Variants in PIAS1 observed in about 807,000 individuals in gnomAD.
PIAS1 encodes the protein protein inhibitor of activated STAT 1.
A neutral mutation model predicts 71.3 loss-of-function variants in PIAS1; 6 were observed. The ratio of observed to expected loss-of-function variants is 0.08; its 90% CI spans 0.05 to 0.17. PIAS1 has a LOEUF of 0.17. PIAS1 is among the 10% of genes least tolerant of loss of function. The pLI, the probability that PIAS1 is intolerant of heterozygous loss-of-function variation, is 1.00. For synonymous variants in PIAS1, 303 were observed against 292.9 expected (o/e 1.03, Z -0.35); for missense variants, 555 against 793.6 (o/e 0.70, Z 3.61).
At chr15:68,118,157 C>A (rs2092581317) in intron 2 of PIAS1, among the ~76,000 whole-genome samples, 1 of 151,910 alleles carries the variant, frequency 6.6e-6, no homozygotes, top group Admixed American at 6.6e-5. Context: ...TGGTGAAATC[C>A]TGCCTCTACA....
chr15:68,185,183 T>C lies in PIAS1; in HGVS notation c.1662+1516T>C, dbSNP rs1301871207. ...AGGAGTTGTAGCAGTTTTTAAGGCC[T>C]ATTAAAAGATCCTAAGGAGGATCTT... is the stretch of plus-strand genomic sequence containing the variant. On this transcript the variant is annotated intron_variant, in intron 13 of 13. Transcript: ENST00000249636. This position sits in a 1 kb window ranked among gnomAD's most constrained non-coding sequence, Gnocchi z 4.4. Among the ~76,000 whole-genome samples the C allele has an allele frequency of 3.3e-5, 5 of 152,152 alleles. No individual in the cohort carries two copies. The highest frequency in any genetic ancestry group is 7.4e-5 in the Non-Finnish European group (5 of 68,010).
intron 2 of PIAS1, among the ~76,000 whole-genome samples, chr15:68,089,424 G>A (rs894880052): frequency 5.9e-5 from 9 of 151,980 alleles, no homozygotes; most frequent in African/African-American, 2.2e-4. Flanking sequence ...GTTTCTATGA[G>A]GCTTATTTCA....
intron 2 of PIAS1, among the ~76,000 whole-genome samples, chr15:68,095,900 G>T (rs1309726441): frequency 6.6e-6 from 1 of 152,116 alleles, no homozygotes; most frequent in Non-Finnish European, 1.5e-5. Flanking sequence ...ATTAGTTATT[G>T]TAATTCTTTG....
In PIAS1 at chr15:68,162,233, T is replaced by C. The variant is rs141390495; in HGVS notation, c.935-2498T>C. On this transcript the variant is annotated intron_variant, in intron 7 of 13. Transcript: ENST00000249636. Reference sequence around the variant, plus strand: ...CCACTACTTTATGTTGCCTCTCTTATTTCAATTTATTTTCTAAGCACTAAA... The same window carrying C: ...CCACTACTTTATGTTGCCTCTCTTACTTCAATTTATTTTCTAAGCACTAAA... Among the ~76,000 whole-genome samples, 465 of 152,232 alleles carry C rather than the reference T, an allele frequency of 3.1e-3. 15 individuals are homozygous for C. Among genetic ancestry groups the C allele is most frequent in the Admixed American group, 9.1e-4 (14 of 15,302 alleles).
chr15:68,059,065 C>T (rs1480842098), intron 1 of PIAS1, among the ~76,000 whole-genome samples: 2 of 140,764 alleles, frequency 1.4e-5, no homozygotes, highest in African/African-American at 2.7e-5. Context: ...AGTGCAGTGG[C>T]GCGATCTCGG....
intron 2 of PIAS1, among the ~76,000 whole-genome samples, chr15:68,100,015 C>CTTTGCATAT (rs757875267): frequency 1.0e-4 from 15 of 150,036 alleles, no homozygotes; most frequent in Middle Eastern, 6.9e-3. Context: ...TTGAGAGTTC[C>CTTTGCATAT]TTTGCATATT....
chr15:68,076,479 G>A (rs72759519), intron 1 of PIAS1, among the ~76,000 whole-genome samples: 72,484 of 151,924 alleles, frequency 0.48, 18,130 homozygotes, highest in Middle Eastern at 0.56. Context: ...CAGCCTGGGC[G>A]ACAGAGTGAG....
chr15:68,065,471 G>C (rs2092007700), intron 1 of PIAS1, among the ~76,000 whole-genome samples: 1 of 151,512 alleles, frequency 6.6e-6, no homozygotes, highest in Non-Finnish European at 1.5e-5. Flanking sequence ...CGCACCTGTG[G>C]TTCCAGCTGC....
At chr15:68,062,487 C>T (rs74707821) in intron 1 of PIAS1, among the ~76,000 whole-genome samples, 8 of 152,170 alleles carry the variant, frequency 5.3e-5, no homozygotes, top group East Asian at 1.9e-4. Context: ...TTTTTCACCT[C>T]GAAAAGCAAC....
intron 2 of PIAS1, among the ~76,000 whole-genome samples, chr15:68,099,045 ACTTTTTGAT>A (rs1249113378): frequency 1.3e-5 from 2 of 152,022 alleles, no homozygotes; most frequent in African/African-American, 4.8e-5. Flanking sequence ...GTGTTATTAA[ACTTTTTGAT>A]CATTCCAAAT....
chr15:68,057,413 TA>T (rs965399528), intron 1 of PIAS1: 177 of 389,848 alleles, frequency 4.5e-4, no homozygotes, highest in South Asian at 6.8e-4. Context: ...TAAAGTAATT[TA>T]AAAAAAAATA....
chr15:68,127,765 G>A (rs2092661102), intron 2 of PIAS1, among the ~76,000 whole-genome samples: 1 of 151,884 alleles, frequency 6.6e-6, no homozygotes, highest in Non-Finnish European at 1.5e-5. Context: ...TTTTATTTAT[G>A]TATTTATTTA....
At position 68,065,603 on chromosome 15, in the gene PIAS1, AG is replaced by A. The variant is rs370068562; in HGVS notation, c.24+11254del. Among the ~76,000 whole-genome samples, 917 of 151,658 alleles carry A rather than the reference AG, an allele frequency of 6.0e-3. 3 individuals carry two copies. The highest frequency in any genetic ancestry group is 0.031 in the East Asian group (160 of 5,162). On this transcript the variant is annotated intron_variant, in intron 1 of 13. Coordinates refer to ENST00000249636, the MANE Select transcript of PIAS1 (RefSeq NM_016166.3). ...CCTGTCTCGAGAAAAAAAAAAAAAAAGAAAAAATTTATTTCTAGTGATCTCT... is the reference window on the plus strand; with the variant it reads ...CCTGTCTCGAGAAAAAAAAAAAAAAAAAAAAATTTATTTCTAGTGATCTCT...
chr15:68,170,860 C>G (rs2092986783), intron 8 of PIAS1, among the ~76,000 whole-genome samples: 1 of 152,156 alleles, frequency 6.6e-6, no homozygotes, highest in Non-Finnish European at 1.5e-5. Flanking sequence ...AGGCTGGTCT[C>G]AAACTCCTGA....
rs1265711942 is a variant in PIAS1, at chr15:68,183,676, T to C, written c.1662+9T>C. 3.9e-6 allele frequency: 4 copies of C among 1,025,180 alleles called. No homozygotes were observed. Among genetic ancestry groups the C allele is most frequent in the East Asian group, 5.2e-5 (2 of 38,122 alleles). 63.5% of individuals were successfully genotyped at this position (1,025,180 alleles called of 1,614,324 possible). Reference sequence around the variant, plus strand: ...TATCAGGAGACAATCAGGTATGTTATGAAAAATTTACTATTATTTTAATTG... The same window carrying C: ...TATCAGGAGACAATCAGGTATGTTACGAAAAATTTACTATTATTTTAATTG... On this transcript the variant is annotated intron_variant, in intron 13 of 13. Coordinates refer to ENST00000249636, the MANE Select transcript of PIAS1 (RefSeq NM_016166.3).
chr15:68,151,704 AC>A (rs1567065578), intron 6 of PIAS1, among the ~76,000 whole-genome samples: 15 of 105,648 alleles, frequency 1.4e-4, no homozygotes, highest in African/African-American at 4.0e-4. Flanking sequence ...ACACACACAC[AC>A]ACAAATTAGC....
chr15:68,147,824 C>G (rs1359333771), intron 6 of PIAS1, among the ~76,000 whole-genome samples: 1 of 152,248 alleles, frequency 6.6e-6, no homozygotes, highest in East Asian at 1.9e-4. Flanking sequence ...GATTCTGAAG[C>G]CACCATTGTT....
At chr15:68,077,041 T>TA (rs1038511518) in intron 1 of PIAS1, among the ~76,000 whole-genome samples, 2 of 152,134 alleles carry the variant, frequency 1.3e-5, no homozygotes, top group African/African-American at 4.8e-5. Context: ...ACTTTTAAAT[T>TA]AAAAAAATTG....
At chr15:68,084,976 T>C (rs1036837696) in intron 1 of PIAS1, among the ~76,000 whole-genome samples, 2 of 152,206 alleles carry the variant, frequency 1.3e-5, no homozygotes, top group Admixed American at 6.5e-5. Context: ...GAAGGACTCA[T>C]ATTTCTTTGA....
Sources: allele counts gnomAD v4.1 joint callset (sites outside exome capture counted in the v4.1 genomes callset), GRCh38; gene constraint gnomAD v4.1.1; non-coding constraint Gnocchi (gnomAD v3.1); transcripts MANE v1.5; gene names NCBI Gene and HGNC (gene_info 2026-07-23, HGNC 2026-07-21).